LRRC4B: variants seen among roughly 807,000 people sequenced by gnomAD.
LRRC4B encodes the protein leucine rich repeat containing 4B, also known as leucine-rich repeat-containing protein 4B.
LRRC4B carries 1 observed loss-of-function variant against 7.3 expected under a neutral mutation model. That is an observed-to-expected ratio of 0.14 (90% CI 0.05 to 0.65). LRRC4B has a LOEUF of 0.65. Ranked by LOEUF, LRRC4B falls within the 30% of genes least tolerant of loss-of-function variation. The pLI, the probability that LRRC4B is intolerant of heterozygous loss-of-function variation, is 0.84. For missense variants in LRRC4B, 730 were observed against 1,041.6 expected (o/e 0.70, Z 4.12); for synonymous variants, 500 against 499.2 (o/e 1.00, Z -0.02).
rs370091007 is a variant in LRRC4B at position 50,548,799 on chromosome 19, G to A, written c.40C>T (p.Pro14Ser). 1,268 of 1,515,606 alleles carry A rather than the reference G, an allele frequency of 8.4e-4. 1 individual carries two copies. Among genetic ancestry groups the A allele is most frequent in the Non-Finnish European group, 9.9e-4 (1,126 of 1,136,382 alleles). The allele number at this position is 1,515,606 out of a possible 1,614,324, so 93.9% of individuals were successfully genotyped here. ...CCGTGGGGCCAGGACATCCTACCGG[G>A]CGGCAGCGGGGGGCACGGGGAGCCG... The part of the protein sequence containing the change: ...ARGSPCPPLP[P>S]GRMSWPHGAL... Residue 14 changes from proline (P) to serine (S), a missense_variant, in exon 2 of 3, where the codon CCC becomes TCC. Around this residue, in one of 6 missense-constraint regions of LRRC4B, gnomAD observed 143 missense variants for 158.4 expected, o/e 0.90. Transcript: ENST00000652263. This position sits in a 1 kb window ranked among gnomAD's most constrained non-coding sequence, Gnocchi z 6.8.
At chr19:50,543,074 C>T (rs1051409109) in intron 2 of LRRC4B, among the ~76,000 whole-genome samples, 1 of 152,162 alleles carries the variant, frequency 6.6e-6, no homozygotes, top group Non-Finnish European at 1.5e-5. Flanking sequence ...CGACAGATGG[C>T]TGCAGGCCTC....
At chr19:50,526,807 A>G (rs1334748083) in intron 2 of LRRC4B, among the ~76,000 whole-genome samples, 1 of 150,752 alleles carries the variant, frequency 6.6e-6, no homozygotes, top group Non-Finnish European at 1.5e-5. Context: ...CATCCTTCCA[A>G]TTTTTTCTAT....
chr19:50,564,482 C>T (rs1018527713), intron 1 of LRRC4B, among the ~76,000 whole-genome samples: 3 of 151,610 alleles, frequency 2.0e-5, no homozygotes, highest in Admixed American at 2.0e-4. Context: ...AGAGCGGTGT[C>T]GAGCAGAGAC....
intron 2 of LRRC4B, among the ~76,000 whole-genome samples, chr19:50,538,209 C>T (rs764835046): frequency 1.3e-5 from 2 of 152,226 alleles, no homozygotes; most frequent in Non-Finnish European, 2.9e-5. Flanking sequence ...ACTACAGGCA[C>T]GCACTACCAC....
chr19:50,517,801 C>T lies in LRRC4B; in HGVS notation c.1912G>A (p.Val638Met). 2 of 1,536,768 alleles carry T rather than the reference C, an allele frequency of 1.3e-6. No individual in the cohort carries two copies. The highest frequency in any genetic ancestry group is 1.7e-6 in the Non-Finnish European group (2 of 1,147,224). Residue 638 changes from valine to methionine, a missense_variant, in exon 3 of 3, where the codon GTG becomes ATG. By Grantham distance (21) the Val-to-Met change is conservative. Transcript: ENST00000652263. The surrounding 1 kb of genome is among the most constrained non-coding windows in gnomAD (Gnocchi z 6.6). ...CCGCCCACACCACCCCCACTGGCCA[C>T]GGCGGCCGCGGCGGCCACGGACACG... Reference protein sequence around the residue: ...SAVSVAAAAAVASGGGVGGDS... With the variant: ...SAVSVAAAAAMASGGGVGGDS...
In LRRC4B at chr19:50,555,919, G is replaced by C. The variant is rs1343031050; in HGVS notation, c.-35-7046C>G. On this transcript the variant is annotated intron_variant, in intron 1 of 2. Coordinates refer to ENST00000652263, the MANE Select transcript of LRRC4B (RefSeq NM_001080457.2). This position sits in a 1 kb window ranked among gnomAD's most constrained non-coding sequence, Gnocchi z 5.2. ...CAGAAGTGGAGCCTGGAGCCCAGAGGGTGGAGAGGGATTGAAGCCGGGGAG... is the reference window on the plus strand; with the variant it reads ...CAGAAGTGGAGCCTGGAGCCCAGAGCGTGGAGAGGGATTGAAGCCGGGGAG... The C allele has an allele frequency of 6.6e-6, 1 of 152,358 alleles. No individual in the cohort carries two copies. Among genetic ancestry groups the C allele is most frequent in the Non-Finnish European group, 1.5e-5 (1 of 68,192 alleles). The allele number at this position is 152,358 out of a possible 1,614,324, so 9.4% of individuals were successfully genotyped here. A position where few individuals can be genotyped will look rare whatever the true frequency, so the allele number is the denominator to read the frequency against.
intron 2 of LRRC4B, among the ~76,000 whole-genome samples, chr19:50,525,960 C>T (rs1403384167): frequency 6.6e-6 from 1 of 152,050 alleles, no homozygotes; most frequent in Non-Finnish European, 1.5e-5. Flanking sequence ...GGCGAGGTTG[C>T]GGTGAGCCGA....
At chr19:50,532,450 T>C (rs1981100861) in intron 2 of LRRC4B, among the ~76,000 whole-genome samples, 1 of 152,192 alleles carries the variant, frequency 6.6e-6, no homozygotes, top group Non-Finnish European at 1.5e-5. Context: ...TGCCCTCTCC[T>C]TGACTCTAGC....
intron 1 of LRRC4B, among the ~76,000 whole-genome samples, chr19:50,565,064 C>A (rs1053767532): frequency 7.2e-5 from 11 of 152,156 alleles, no homozygotes; most frequent in South Asian, 4.1e-4. Flanking sequence ...TGAGGAGCCC[C>A]GTGGCGAGAG....
Position 50,519,183 on chromosome 19 carries a change from G to A in LRRC4B, c.530C>T (p.Ala177Val). 1 of 1,613,912 alleles carries A rather than the reference G, an allele frequency of 6.2e-7. No homozygotes were observed. The highest frequency in any genetic ancestry group is 8.5e-7 in the Non-Finnish European group (1 of 1,180,014). The change falls in exon 3 of 3, where the codon GCC becomes GTC. Residue 177 changes from alanine to valine, a missense_variant. Physicochemically the swap from Ala to Val is moderately conservative, Grantham distance 64. Coordinates refer to ENST00000652263, the MANE Select transcript of LRRC4B (RefSeq NM_001080457.2). This position sits in a 1 kb window ranked among gnomAD's most constrained non-coding sequence, Gnocchi z 8.1. ...CCGCAGCGAGGGCACGCGGTTGAAG[G>A]CGTAGGAGGGGATGCTCTCGATGGG... ...NNPIESIPSY[A>V]FNRVPSLRRL...
chr19:50,558,535 C>T (rs1313933115), intron 1 of LRRC4B, among the ~76,000 whole-genome samples: 1 of 152,210 alleles, frequency 6.6e-6, no homozygotes, highest in Non-Finnish European at 1.5e-5. Context: ...GGCTGTATTT[C>T]AATATATCAA....
rs192165705 is a variant in LRRC4B, at chr19:50,535,064, T to G, written c.297+13478A>C. On this transcript the variant is annotated intron_variant, in intron 2 of 2. Transcript: ENST00000652263. Reference sequence around the variant, plus strand: ...TTTGTATTTTTAGTAGAGACAGGGTTTCACTGTGTTAGCCAGGATGGTCTC... The same window carrying G: ...TTTGTATTTTTAGTAGAGACAGGGTGTCACTGTGTTAGCCAGGATGGTCTC... Among the ~76,000 whole-genome samples the G allele has an allele frequency of 4.0e-3, 608 of 151,940 alleles. 6 individuals are homozygous for G. Among genetic ancestry groups the G allele is most frequent in the Non-Finnish European group, 6.1e-3 (415 of 67,964 alleles).
chr19:50,560,026 T>C (rs1982415215), intron 1 of LRRC4B, among the ~76,000 whole-genome samples: 1 of 152,074 alleles, frequency 6.6e-6, no homozygotes, highest in African/African-American at 2.4e-5. Flanking sequence ...TTCCAGCTAC[T>C]CGGGAGGCTG....
At chr19:50,536,615 G>C (rs1981299839) in intron 2 of LRRC4B, among the ~76,000 whole-genome samples, 1 of 152,202 alleles carries the variant, frequency 6.6e-6, no homozygotes. Context: ...ACACAGGAGG[G>C]ACAGCCCATG....
intron 2 of LRRC4B, among the ~76,000 whole-genome samples, chr19:50,536,290 C>A (rs921820054): frequency 5.9e-5 from 9 of 152,158 alleles, no homozygotes; most frequent in African/African-American, 1.7e-4. Flanking sequence ...CACATCACCA[C>A]ACCTGGCTAA....
At position 50,548,507 on chromosome 19, in the gene LRRC4B, T is replaced by C. The variant is rs758627786; in HGVS notation, c.297+35A>G. 4.9e-5 allele frequency: 76 copies of C among 1,564,052 alleles called. No individual in the cohort carries two copies. Among genetic ancestry groups the C allele is most frequent in the Admixed American group, 1.8e-5 (1 of 54,764 alleles). ...ATCTGCATGCCTCCCCAGTGTCCCC[T>C]CCAAGGTCCCCCTCTGCCCGCTGGC... On this transcript the variant is annotated intron_variant, in intron 2 of 2. Coordinates refer to ENST00000652263, the MANE Select transcript of LRRC4B (RefSeq NM_001080457.2). The surrounding 1 kb of genome is among the most constrained non-coding windows in gnomAD (Gnocchi z 6.8).
chr19:50,544,594 C>A (rs981294071), intron 2 of LRRC4B, among the ~76,000 whole-genome samples: 4 of 151,820 alleles, frequency 2.6e-5, no homozygotes, highest in Non-Finnish European at 5.9e-5. Context: ...AATTGTGCAA[C>A]ACACTGTGCA....
rs546665396 is a variant in LRRC4B, at chr19:50,548,701, G to A, written c.138C>T (p.Ala46=). 9.1e-5 allele frequency: 140 copies of A among 1,545,378 alleles called. 1 individual carries two copies. In the South Asian group the frequency reaches 1.2e-3, roughly 13 times the overall value. ...AGGGGVAVTS[A]AGGGSPPATS... ...TGGCCGGCGGGGAGCCCCCTCCGGCGGCAGACGTCACGGCCACTCCACCTC... is the reference window on the plus strand; with the variant it reads ...TGGCCGGCGGGGAGCCCCCTCCGGCAGCAGACGTCACGGCCACTCCACCTC... The change falls in exon 2 of 3, where the codon GCC becomes GCT. Residue 46 remains alanine (A), a synonymous_variant. Transcript: ENST00000652263. This position sits in a 1 kb window ranked among gnomAD's most constrained non-coding sequence, Gnocchi z 6.8.
At chr19:50,542,956 C>A (rs1196787233) in intron 2 of LRRC4B, among the ~76,000 whole-genome samples, 2 of 152,122 alleles carry the variant, frequency 1.3e-5, no homozygotes, top group East Asian at 3.9e-4. Context: ...CCGCGAGGTT[C>A]TTGCTGCCCA....
Sources: allele counts gnomAD v4.1 joint callset (sites outside exome capture counted in the v4.1 genomes callset), GRCh38; gene constraint gnomAD v4.1.1; regional missense constraint gnomAD v4.1.1; non-coding constraint Gnocchi (gnomAD v3.1); transcripts MANE v1.5; gene names NCBI Gene and HGNC (gene_info 2026-07-23, HGNC 2026-07-21).